The following PALM2AKAP2 variants were observed in gnomAD, a reference collection of about 807,000 sequenced individuals.
PALM2AKAP2 encodes PALM2 and AKAP2 fusion.
PALM2AKAP2 carries 37 observed loss-of-function variants against 71.5 expected under a neutral mutation model. The ratio of observed to expected loss-of-function variants is 0.52; its 90% CI spans 0.40 to 0.68. The LOEUF is 0.68. Ranked by LOEUF, PALM2AKAP2 falls within the 30% of genes least tolerant of loss-of-function variation. PALM2AKAP2 has a pLI of 0.00. For missense variants in PALM2AKAP2, 1,224 were observed against 1,191.8 expected, an observed-to-expected ratio of 1.03 and a Z score of -0.40; for synonymous variants, 468 against 478.8, an observed-to-expected ratio of 0.98 and a Z score of 0.29.
chr9:109,705,518 G>GT (rs1828129141), intron 1 of PALM2AKAP2, among the ~76,000 whole-genome samples: 1 of 152,184 alleles, frequency 6.6e-6, no homozygotes, highest in Non-Finnish European at 1.5e-5. Flanking sequence ...TTCAGTCTTT[G>GT]CTTTTGACCC....
intron 1 of PALM2AKAP2, among the ~76,000 whole-genome samples, chr9:109,708,952 G>A (rs1386520080): frequency 6.6e-6 from 1 of 152,168 alleles, no homozygotes; most frequent in African/African-American, 2.4e-5. Context: ...CAGAGGACTG[G>A]GCCACAACTG....
intron 1 of PALM2AKAP2, among the ~76,000 whole-genome samples, chr9:109,853,501 A>G (rs1424605928): frequency 2.0e-5 from 3 of 152,244 alleles, no homozygotes; most frequent in African/African-American, 7.2e-5. Context: ...CAATGACTGC[A>G]TAATGGTGCA....
intron 1 of PALM2AKAP2, among the ~76,000 whole-genome samples, chr9:110,058,431 C>T (rs1012607993): frequency 2.6e-5 from 4 of 152,202 alleles, no homozygotes; most frequent in African/African-American, 9.7e-5. Context: ...CATTCCCAAT[C>T]CTGCCTGGCA....
At chr9:110,143,537 G>T (rs1467299441) in intron 2 of PALM2AKAP2, among the ~76,000 whole-genome samples, 1 of 152,196 alleles carries the variant, frequency 6.6e-6, no homozygotes, top group East Asian at 1.9e-4. Context: ...GAATTAGGGG[G>T]TGGGATATCC....
chr9:109,788,416 G>T (rs1274538742), intron 1 of PALM2AKAP2, among the ~76,000 whole-genome samples: 1 of 152,190 alleles, frequency 6.6e-6, no homozygotes, highest in East Asian at 1.9e-4. Flanking sequence ...ATATGGTATA[G>T]AACAGTAATT....
chr9:109,680,995 T>C (rs1239837023), intron 1 of PALM2AKAP2, among the ~76,000 whole-genome samples: 1 of 152,208 alleles, frequency 6.6e-6, no homozygotes, highest in Non-Finnish European at 1.5e-5. Context: ...AAAGTAAGTA[T>C]AAGGAAAATG....
At chr9:110,094,154 T>G (rs1050295966) in intron 1 of PALM2AKAP2, among the ~76,000 whole-genome samples, 1 of 152,230 alleles carries the variant, frequency 6.6e-6, no homozygotes, top group African/African-American at 2.4e-5. Context: ...GCAACATTGT[T>G]GGATACATCT....
chr9:109,840,405 T>TA (rs764351827), intron 1 of PALM2AKAP2, among the ~76,000 whole-genome samples: 81 of 152,086 alleles, frequency 5.3e-4, no homozygotes, highest in Non-Finnish European at 8.1e-4. Flanking sequence ...CCTAAAACCA[T>TA]AAAAAACCCT....
chr9:109,845,423 T>A (rs1828828331), intron 1 of PALM2AKAP2, among the ~76,000 whole-genome samples: 1 of 152,256 alleles, frequency 6.6e-6, no homozygotes, highest in Non-Finnish European at 1.5e-5. Context: ...TCAGGGATTT[T>A]CAGGATTTAT....
rs557963466 is a variant in PALM2AKAP2, at chr9:109,857,102, C to T, written c.46-10389C>T. ...CCTGAGACTGCCTCCAGGCCTGGCA[C>T]GTCTTCCTAAGACAGGCCTATCAAC... On this transcript the variant is annotated intron_variant, in intron 1 of 9. Coordinates refer to the PALM2AKAP2 transcript ENST00000302798. Among the ~76,000 whole-genome samples the T allele has an allele frequency of 2.4e-4, 37 of 152,278 alleles. 1 individual carries two copies. Among genetic ancestry groups the T allele is most frequent in the Admixed American group, 2.3e-3 (35 of 15,300 alleles).
chr9:109,967,598 T>C (rs1283460982), intron 6 of PALM2AKAP2, among the ~76,000 whole-genome samples: 2 of 152,120 alleles, frequency 1.3e-5, no homozygotes, highest in Non-Finnish European at 2.9e-5. Context: ...TTAGTGGAGA[T>C]GGGATTTCAC....
chr9:109,719,454 C>G (rs1346286622), intron 1 of PALM2AKAP2, among the ~76,000 whole-genome samples: 1 of 152,156 alleles, frequency 6.6e-6, no homozygotes, highest in East Asian at 1.9e-4. Context: ...AGAAGTGGCT[C>G]AAGATTTCCC....
At chr9:110,161,269 T>C (rs1836586839) in intron 3 of PALM2AKAP2, among the ~76,000 whole-genome samples, 1 of 152,172 alleles carries the variant, frequency 6.6e-6, no homozygotes, top group African/African-American at 2.4e-5. Flanking sequence ...AACTAGTCTA[T>C]GGCTATCAAT....
rs1828485043 is a variant in PALM2AKAP2, at chr9:109,836,576, T to C, written c.46-30915T>C. On this transcript the variant is annotated intron_variant, in intron 1 of 9. Coordinates refer to the PALM2AKAP2 transcript ENST00000302798. ...GAAGAAGGCTTCAGATGATCAAACTTCTCCGAGCTAAAGGAGGAAGTTCAA... is the reference window on the plus strand; with the variant it reads ...GAAGAAGGCTTCAGATGATCAAACTCCTCCGAGCTAAAGGAGGAAGTTCAA... 3.9e-5 allele frequency among the ~76,000 whole-genome samples: 6 copies of C among 152,226 alleles called. No individual in the cohort carries two copies. In the South Asian group the frequency reaches 1.2e-3, roughly 32 times the overall value.
At chr9:109,793,151 A>G (rs939330165) in intron 1 of PALM2AKAP2, among the ~76,000 whole-genome samples, 68 of 152,254 alleles carry the variant, frequency 4.5e-4, no homozygotes, top group African/African-American at 1.5e-3. Flanking sequence ...TTCTATACAC[A>G]TAAATGGATT....
chr9:110,158,783 C>G (rs1419590383), intron 3 of PALM2AKAP2, among the ~76,000 whole-genome samples: 1 of 152,170 alleles, frequency 6.6e-6, no homozygotes. Context: ...ATGTTTTGCA[C>G]TGTTATTGCT....
intron 6 of PALM2AKAP2, among the ~76,000 whole-genome samples, chr9:109,933,578 G>C (rs1292144662): frequency 5.3e-5 from 8 of 152,224 alleles, no homozygotes; most frequent in Non-Finnish European, 2.9e-5. Flanking sequence ...AGTAACACAT[G>C]AATGTGATTG....
intron 6 of PALM2AKAP2, among the ~76,000 whole-genome samples, chr9:109,951,914 G>C (rs1042374593): frequency 1.3e-5 from 2 of 152,152 alleles, no homozygotes; most frequent in African/African-American, 2.4e-5. Context: ...CAAGCTCCCA[G>C]CAGCAGCCCA....
At chr9:109,898,038 G>A (rs1392672083) in intron 3 of PALM2AKAP2, among the ~76,000 whole-genome samples, 1 of 152,238 alleles carries the variant, frequency 6.6e-6, no homozygotes, top group Non-Finnish European at 1.5e-5. Flanking sequence ...TACAGTTAAA[G>A]AGGGCAAAAA....
Sources: gnomAD v4.1 joint callset for allele counts (sites outside exome capture counted in the v4.1 genomes callset) on GRCh38, gnomAD v4.1.1 for gene constraint, MANE v1.5 for transcripts, NCBI Gene and HGNC (gene_info 2026-07-23, HGNC 2026-07-21) for gene names.